The following SCP2 variants were observed in gnomAD, a reference collection of about 807,000 sequenced individuals.
The protein encoded by SCP2 is SCP-2/3-oxoacyl-CoA thiolase.
Under a neutral mutation model 71.4 loss-of-function variants are expected in SCP2, and 48 were observed. The observed-to-expected ratio is 0.67, with a 90% CI of 0.53 to 0.86. The LOEUF (loss-of-function observed/expected upper bound fraction) is 0.86. Among genes scored for constraint, SCP2 ranks in the 40% least tolerant of loss-of-function variants. The pLI, the probability that SCP2 is intolerant of heterozygous loss-of-function variation, is 0.00. For missense variants in SCP2, 560 were observed against 655.6 expected (o/e 0.85, Z 1.59); for synonymous variants, 220 against 218.1 (o/e 1.01, Z -0.08).
At chr1:52,972,301 T>C (rs749170279) in intron 6 of SCP2, among the ~76,000 whole-genome samples, 2 of 152,238 alleles carry the variant, frequency 1.3e-5, no homozygotes, top group Admixed American at 6.5e-5. Context: ...AAAATCTTAA[T>C]TGGCAATTCA....
chr1:53,028,927 C>A (rs60492542), intron 13 of SCP2, among the ~76,000 whole-genome samples: 20,829 of 151,938 alleles, frequency 0.14, 2,031 homozygotes, highest in East Asian at 0.32. Flanking sequence ...AGGCACCCAC[C>A]ACCACGCCAG....
At chr1:52,938,196 G>C in intron 1 of SCP2, among the ~76,000 whole-genome samples, 1 of 152,210 alleles carries the variant, frequency 6.6e-6, no homozygotes, top group Non-Finnish European at 1.5e-5. Context: ...AGGGTGATCA[G>C]TAGTGACTGA....
At chr1:52,960,757 TATTC>T (rs2150141926) in intron 5 of SCP2, among the ~76,000 whole-genome samples, 2 of 151,394 alleles carry the variant, frequency 1.3e-5, no homozygotes, top group South Asian at 4.2e-4. Context: ...TTTATTTATT[TATTC>T]ATTCCCAAGA....
At chr1:53,048,419 C>A (rs1340846826) in intron 15 of SCP2, 2 of 202,386 alleles carry the variant, frequency 9.9e-6, no homozygotes, top group Admixed American at 5.2e-5. Flanking sequence ...CCTGTCCTTA[C>A]CTGACAAATG....
At chr1:52,938,734 T>C (rs1653957005) in intron 1 of SCP2, among the ~76,000 whole-genome samples, 1 of 152,236 alleles carries the variant, frequency 6.6e-6, no homozygotes, top group South Asian at 2.1e-4. Context: ...CCTCTCCCTC[T>C]ATCAGCAAGG....
At chr1:53,046,879 A>C (rs1158251192) in intron 14 of SCP2, among the ~76,000 whole-genome samples, 1 of 152,176 alleles carries the variant, frequency 6.6e-6, no homozygotes, top group African/African-American at 2.4e-5. Context: ...CTGCATAACA[A>C]ATTGCCACAA....
chr1:52,985,025 T>G (rs551975056), intron 10 of SCP2, among the ~76,000 whole-genome samples: 1 of 151,286 alleles, frequency 6.6e-6, no homozygotes, highest in South Asian at 2.1e-4. Flanking sequence ...TATTTTTTAG[T>G]AGAGACGGGA....
chr1:52,957,907 C>G lies in SCP2; in HGVS notation c.396+3103C>G, dbSNP rs59839374. On this transcript the variant is annotated intron_variant, in intron 5 of 15. Coordinates refer to ENST00000371514, the MANE Select transcript of SCP2 (RefSeq NM_002979.5). ...ATTTGTTGAAAAGATTATCTTTTTTCCATTATATTGCCTTTGCTTCTTTGT... is the reference window on the plus strand; with the variant it reads ...ATTTGTTGAAAAGATTATCTTTTTTGCATTATATTGCCTTTGCTTCTTTGT... Among the ~76,000 whole-genome samples, 1,369 of 148,902 alleles carry G rather than the reference C, an allele frequency of 9.2e-3. 89 individuals carry two copies. In the East Asian group the frequency reaches 0.19, roughly 21 times the overall value.
chr1:53,009,960 G>A (rs1234877565), intron 11 of SCP2, among the ~76,000 whole-genome samples: 8 of 152,160 alleles, frequency 5.3e-5, no homozygotes, highest in African/African-American at 7.2e-5. Flanking sequence ...ATCAAAAAGC[G>A]GGAGAAGGAT....
chr1:52,950,158 G>C (rs1302086746), intron 3 of SCP2, among the ~76,000 whole-genome samples: 2 of 152,026 alleles, frequency 1.3e-5, no homozygotes, highest in African/African-American at 4.8e-5. Flanking sequence ...GTCTCTCTCT[G>C]TCGCCCAGGC....
chr1:53,040,043 T>C (rs1472968561), intron 14 of SCP2, among the ~76,000 whole-genome samples: 2 of 152,204 alleles, frequency 1.3e-5, no homozygotes, highest in Non-Finnish European at 2.9e-5. Context: ...CCACTTTTTT[T>C]CTCTTATACT....
At chr1:53,044,865 C>G (rs1663686336) in intron 14 of SCP2, among the ~76,000 whole-genome samples, 1 of 152,128 alleles carries the variant, frequency 6.6e-6, no homozygotes, top group Middle Eastern at 3.4e-3. Context: ...GTCTTTTTTC[C>G]ACTATTTTAC....
In SCP2 at chr1:52,990,749, A is replaced by G. The variant is rs868027911; in HGVS notation, c.1081+2613A>G. ...ACTCCGTCTCAAAAAAAAAAAAAAA[A>G]AAAAAAAAAAATTAAAGGTATAGGT... On this transcript the variant is annotated intron_variant, in intron 11 of 15. Coordinates refer to ENST00000371514, the MANE Select transcript of SCP2 (RefSeq NM_002979.5). Among the ~76,000 whole-genome samples the G allele has an allele frequency of 1.1e-4, 17 of 151,402 alleles. No homozygotes were observed. The Middle Eastern group carries it at 0.01, about 92-fold the overall frequency.
At chr1:53,007,180 T>C (rs1022483984) in intron 11 of SCP2, among the ~76,000 whole-genome samples, 1 of 152,112 alleles carries the variant, frequency 6.6e-6, no homozygotes, top group African/African-American at 2.4e-5. Flanking sequence ...ACAATAATAA[T>C]GGGAGACTTT....
At chr1:52,946,247 GA>G (rs1654782666) in intron 2 of SCP2, among the ~76,000 whole-genome samples, 1 of 151,136 alleles carries the variant, frequency 6.6e-6, no homozygotes, top group African/African-American at 2.4e-5. Context: ...TTGTTTGTTT[GA>G]AACAGGGTCT....
Position 53,013,229 on chromosome 1 carries a change from C to G in SCP2, c.1082-1661C>G, listed in dbSNP as rs545677546. On this transcript the variant is annotated intron_variant, in intron 11 of 15. Coordinates refer to ENST00000371514, the MANE Select transcript of SCP2 (RefSeq NM_002979.5). ...TTCCTGGGCTCAGGCCATCCTCCTT[C>G]CTCAGCCTCTTGAGTAGCTAGGGCT... 2.0e-5 allele frequency among the ~76,000 whole-genome samples: 3 copies of G among 150,122 alleles called. No individual in the cohort carries two copies. The East Asian group carries it at 5.9e-4, about 30-fold the overall frequency.
intron 11 of SCP2, among the ~76,000 whole-genome samples, chr1:52,989,629 C>A (rs1409609996): frequency 6.6e-6 from 1 of 152,198 alleles, no homozygotes; most frequent in African/African-American, 2.4e-5. Flanking sequence ...GTAAACCCCA[C>A]TTGAAAGCTT....
At chr1:52,939,012 A>G (rs1362921618) in intron 1 of SCP2, among the ~76,000 whole-genome samples, 1 of 152,086 alleles carries the variant, frequency 6.6e-6, no homozygotes, top group Non-Finnish European at 1.5e-5. Flanking sequence ...TATAAATTTT[A>G]CCTTTTCCAG....
chr1:52,982,029 T>A (rs1480841359), intron 10 of SCP2, among the ~76,000 whole-genome samples: 2 of 152,076 alleles, frequency 1.3e-5, no homozygotes, highest in South Asian at 4.1e-4. Flanking sequence ...TTATCGATTG[T>A]TTTTTTCACC....
Sources: gnomAD v4.1 joint callset for allele counts (sites outside exome capture counted in the v4.1 genomes callset) on GRCh38, gnomAD v4.1.1 for gene constraint, MANE v1.5 for transcripts, NCBI Gene and HGNC (gene_info 2026-07-23, HGNC 2026-07-21) for gene names.